LMX1A: variants seen among roughly 807,000 people sequenced by gnomAD.
LMX1A encodes the protein LIM homeobox transcription factor 1-alpha.
In LMX1A, 15 loss-of-function variants were observed where a neutral mutation model predicts 49.1. That is an observed-to-expected ratio of 0.31 (90% confidence interval 0.20 to 0.47). The LOEUF (loss-of-function observed/expected upper bound fraction) is 0.47. Among genes scored for constraint, LMX1A ranks in the 20% least tolerant of loss-of-function variants. The pLI, the probability that LMX1A is intolerant of heterozygous loss-of-function variation, is 1.00. For missense variants in LMX1A, 372 were observed against 475.8 expected, an observed-to-expected ratio of 0.78 and a Z score of 2.03; for synonymous variants, 167 against 185.7, an observed-to-expected ratio of 0.90 and a Z score of 0.82.
At chr1:165,225,729 G>A (rs781594923) in intron 4 of LMX1A, among the ~76,000 whole-genome samples, 12 of 152,222 alleles carry the variant, frequency 7.9e-5, no homozygotes, top group Non-Finnish European at 2.9e-5. Flanking sequence ...GATGGGGTAC[G>A]TGACTTTCTC....
chr1:165,243,259 T>A (rs1328733864), intron 4 of LMX1A, among the ~76,000 whole-genome samples: 3 of 152,186 alleles, frequency 2.0e-5, no homozygotes, highest in Non-Finnish European at 4.4e-5. Context: ...TCAGACGACT[T>A]CTGATTTTAA....
rs1303452102 is a variant in LMX1A, at chr1:165,284,196, C to T, written c.264-34556G>A. Among the ~76,000 whole-genome samples the T allele has an allele frequency of 4.6e-5, 7 of 152,372 alleles. No individual in the cohort carries two copies. In the South Asian group the frequency reaches 8.3e-4, roughly 18 times the overall value. On this transcript the variant is annotated intron_variant, in intron 3 of 8. Coordinates refer to ENST00000342310, the MANE Select transcript of LMX1A (RefSeq NM_177398.4). ...AGATGACTGTAATATCAGCCTTGCC[C>T]ACCTGACAGGGCTGTCTTGAGGAAC... is the stretch of plus-strand genomic sequence containing the variant.
At chr1:165,350,570 T>A (rs531258833) in intron 3 of LMX1A, among the ~76,000 whole-genome samples, 1 of 152,030 alleles carries the variant, frequency 6.6e-6, no homozygotes, top group East Asian at 1.9e-4. Context: ...CAAACAAAAA[T>A]CTCTCTCCTT....
intron 3 of LMX1A, among the ~76,000 whole-genome samples, chr1:165,345,531 A>G (rs997691273): frequency 9.4e-5 from 3 of 31,832 alleles, no homozygotes; most frequent in African/African-American, 1.9e-4. Flanking sequence ...ACCCACCAAA[A>G]CACACCCACC....
intron 3 of LMX1A, among the ~76,000 whole-genome samples, chr1:165,256,426 CTG>C (rs1653244179): frequency 6.6e-6 from 1 of 152,192 alleles, no homozygotes; most frequent in Non-Finnish European, 1.5e-5. Flanking sequence ...AAGGATGACT[CTG>C]TTTCCTAGGT....
chr1:165,282,259 C>T (rs1654174994), intron 3 of LMX1A, among the ~76,000 whole-genome samples: 1 of 152,182 alleles, frequency 6.6e-6, no homozygotes, highest in African/African-American at 2.4e-5. Context: ...TCTTTGACAT[C>T]ACCACCTGAA....
At chr1:165,314,719 A>C (rs1186644453) in intron 3 of LMX1A, among the ~76,000 whole-genome samples, 1 of 152,068 alleles carries the variant, frequency 6.6e-6, no homozygotes. Flanking sequence ...CCACATCCAC[A>C]AGATTTCTAG....
intron 4 of LMX1A, among the ~76,000 whole-genome samples, chr1:165,247,479 C>A (rs1383558599): frequency 6.6e-6 from 1 of 152,110 alleles, no homozygotes; most frequent in Non-Finnish European, 1.5e-5. Context: ...AGAAGATACT[C>A]CATATGTTAG....
At chr1:165,313,974 C>T (rs763350467) in intron 3 of LMX1A, among the ~76,000 whole-genome samples, 2 of 152,274 alleles carry the variant, frequency 1.3e-5, no homozygotes, top group Non-Finnish European at 2.9e-5. Context: ...GGGCTGAGCT[C>T]GGTAGCTGAG....
intron 4 of LMX1A, among the ~76,000 whole-genome samples, chr1:165,229,196 A>T (rs1357960817): frequency 2.6e-5 from 4 of 152,096 alleles, no homozygotes; most frequent in African/African-American, 9.7e-5. Flanking sequence ...ATCAGATCTC[A>T]ATTTTGGATA....
chr1:165,323,931 AG>A (rs1351518568), intron 3 of LMX1A, among the ~76,000 whole-genome samples: 1 of 152,248 alleles, frequency 6.6e-6, no homozygotes, highest in East Asian at 1.9e-4. Context: ...AATGGATAAA[AG>A]GTTGACTGGA....
chr1:165,220,316 A>G (rs1651795200), intron 4 of LMX1A, among the ~76,000 whole-genome samples: 1 of 152,246 alleles, frequency 6.6e-6, no homozygotes, highest in Non-Finnish European at 1.5e-5. Flanking sequence ...AGGAGTATCA[A>G]TTAGCCAGAG....
At chr1:165,222,102 GA>G (rs1422925163) in intron 4 of LMX1A, among the ~76,000 whole-genome samples, 1 of 152,074 alleles carries the variant, frequency 6.6e-6, no homozygotes, top group African/African-American at 2.4e-5. Context: ...AGATTTGTCA[GA>G]ACTGCAAATA....
chr1:165,299,883 A>G (rs1646196315), intron 3 of LMX1A, among the ~76,000 whole-genome samples: 2 of 151,734 alleles, frequency 1.3e-5, no homozygotes, highest in African/African-American at 2.4e-5. Context: ...TCTCCCAAAT[A>G]CCTTCTTTTC....
chr1:165,213,922 T>G, intron 4 of LMX1A, 109 bp from the exon 5 acceptor site: 1 of 915,382 alleles, frequency 1.1e-6, no homozygotes, highest in Non-Finnish European at 1.7e-6. Context: ...TGGCTTTATG[T>G]ATGAGAGCAA....
At chr1:165,296,816 T>C (rs182840396) in intron 3 of LMX1A, among the ~76,000 whole-genome samples, 1 of 152,398 alleles carries the variant, frequency 6.6e-6, no homozygotes, top group Non-Finnish European at 1.5e-5. Context: ...TTTTAAAGAA[T>C]GCACATTTCC....
intron 3 of LMX1A, among the ~76,000 whole-genome samples, chr1:165,337,976 G>A (rs1203010091): frequency 6.6e-6 from 1 of 151,250 alleles, no homozygotes; most frequent in Non-Finnish European, 1.5e-5. Context: ...AGCTGTTGAG[G>A]ATTGATTCAC....
intron 3 of LMX1A, among the ~76,000 whole-genome samples, chr1:165,266,750 C>T (rs997024925): frequency 4.6e-5 from 7 of 151,700 alleles, no homozygotes; most frequent in African/African-American, 7.3e-5. Flanking sequence ...TACAGGTACC[C>T]GCCACCACGC....
chr1:165,287,652 G>A (rs1654336158), intron 3 of LMX1A, among the ~76,000 whole-genome samples: 1 of 152,034 alleles, frequency 6.6e-6, no homozygotes, highest in South Asian at 2.1e-4. Flanking sequence ...CCAGCCCTGT[G>A]AGCCATGCTT....
Sources: gnomAD v4.1 joint callset for allele counts (sites outside exome capture counted in the v4.1 genomes callset) on GRCh38, gnomAD v4.1.1 for gene constraint, MANE v1.5 for transcripts, NCBI Gene and HGNC (gene_info 2026-07-23, HGNC 2026-07-21) for gene names.